PARD3: variants seen among roughly 807,000 people sequenced by gnomAD.
The protein encoded by PARD3 is par-3 family cell polarity regulator.
In PARD3, 75 loss-of-function variants were observed where a neutral mutation model predicts 155.4. That is an observed-to-expected ratio of 0.48 (90% CI 0.40 to 0.58). PARD3 has a LOEUF of 0.58. Among genes scored for constraint, PARD3 ranks in the 20% least tolerant of loss-of-function variants. The probability of loss-of-function intolerance (pLI) is 0.00; values close to 1 mark genes in which losing one functional copy is unlikely to be tolerated. For synonymous variants in PARD3, 576 were observed against 610.5 expected, an observed-to-expected ratio of 0.94 and a Z score of 0.83; for missense variants, 1,642 against 1,721.7, an observed-to-expected ratio of 0.95 and a Z score of 0.82.
rs77182844 is a variant in PARD3, at chr10:34,348,168, T to C, written c.2068-53A>G. On this transcript the variant is annotated intron_variant, in intron 14 of 24. Transcript: ENST00000374788. ...GAAAAATCAGTACCTGGAGGCCAAT[T>C]AGCAGCATGGGAGAATTATAACAAC... 8.7e-3 allele frequency: 12,926 copies of C among 1,487,002 alleles called. 908 individuals are homozygous for C. In the African/African-American group the frequency reaches 0.16, roughly 18 times the overall value. The allele number at this position is 1,487,002 out of a possible 1,614,324, so 92.1% of individuals were successfully genotyped here. A position where few individuals can be genotyped will look rare whatever the true frequency, so the allele number is the denominator to read the frequency against.
chr10:34,440,196 G>A (rs527268042), intron 5 of PARD3, among the ~76,000 whole-genome samples: 3 of 152,092 alleles, frequency 2.0e-5, no homozygotes, highest in Non-Finnish European at 4.4e-5. Flanking sequence ...TCTAAAAGCA[G>A]GCTTGTAGGA....
intron 5 of PARD3, among the ~76,000 whole-genome samples, chr10:34,445,059 G>A (rs1401773542): frequency 6.6e-6 from 1 of 151,868 alleles, no homozygotes; most frequent in East Asian, 1.9e-4. Context: ...AAAGGCAGAG[G>A]ATTTTTTTTT....
At chr10:34,378,695 C>T (rs1023864764) in intron 9 of PARD3, among the ~76,000 whole-genome samples, 8 of 152,150 alleles carry the variant, frequency 5.3e-5, no homozygotes, top group Admixed American at 3.9e-4. Context: ...TCACCTAAAT[C>T]TTACCATGTA....
intron 1 of PARD3, among the ~76,000 whole-genome samples, chr10:34,717,566 G>A (rs951184897): frequency 6.6e-6 from 1 of 152,140 alleles, no homozygotes; most frequent in Non-Finnish European, 1.5e-5. Flanking sequence ...GAGTCTGGTG[G>A]AGGTGCTGGA....
chr10:34,806,515 A>T (rs1477122114), intron 1 of PARD3, among the ~76,000 whole-genome samples: 1 of 151,818 alleles, frequency 6.6e-6, no homozygotes, highest in African/African-American at 2.4e-5. Context: ...TTTTAAAAAG[A>T]GACGGGGTCT....
chr10:34,389,144 G>A (rs1401937871), intron 7 of PARD3, among the ~76,000 whole-genome samples: 8 of 146,356 alleles, frequency 5.5e-5, no homozygotes, highest in Admixed American at 1.4e-4. Context: ...CACTAGATCC[G>A]CTGCATACAA....
At chr10:34,551,957 C>A (rs1466016571) in intron 2 of PARD3, among the ~76,000 whole-genome samples, 6 of 152,172 alleles carry the variant, frequency 3.9e-5, no homozygotes, top group Non-Finnish European at 8.8e-5. Flanking sequence ...TGTCTTGACC[C>A]TACACAAAAA....
At chr10:34,621,357 C>A (rs1363349947) in intron 2 of PARD3, among the ~76,000 whole-genome samples, 2 of 152,000 alleles carry the variant, frequency 1.3e-5, no homozygotes, top group African/African-American at 4.8e-5. Flanking sequence ...CCACCACGCC[C>A]GGCTAATTTT....
rs560266804 is a variant in PARD3 at position 34,666,360 on chromosome 10, T to C, written c.222+29958A>G. Among the ~76,000 whole-genome samples, 6 of 152,276 alleles carry C rather than the reference T, an allele frequency of 3.9e-5. No homozygotes were observed. The East Asian group carries it at 1.2e-3, about 29-fold the overall frequency. ...AGCCAGAAACTGATCCTGATTCCAA[T>C]TACTATTGAGTTTCTTCATGATACA... On this transcript the variant is annotated intron_variant, in intron 2 of 24. Coordinates refer to ENST00000374788, the MANE Select transcript of PARD3 (RefSeq NM_001184785.2).
At chr10:34,812,156 T>C (rs942777778) in intron 1 of PARD3, among the ~76,000 whole-genome samples, 4 of 152,244 alleles carry the variant, frequency 2.6e-5, no homozygotes, top group Admixed American at 2.0e-4. Context: ...ACAGCTCACA[T>C]GCAATGCCAG....
chr10:34,235,966 G>A (rs1034611939), intron 22 of PARD3, among the ~76,000 whole-genome samples: 3 of 152,068 alleles, frequency 2.0e-5, no homozygotes, highest in Admixed American at 6.6e-5. Context: ...CAGAGATACC[G>A]AGAAAACTCT....
At chr10:34,245,276 C>T (rs539524984) in intron 22 of PARD3, among the ~76,000 whole-genome samples, 237 of 152,174 alleles carry the variant, frequency 1.6e-3, no homozygotes, top group Non-Finnish European at 2.7e-3. Context: ...AGAAGGCATA[C>T]GTAACGGGGG....
chr10:34,627,539 C>T (rs1045534357), intron 2 of PARD3, among the ~76,000 whole-genome samples: 3 of 152,120 alleles, frequency 2.0e-5, no homozygotes, highest in East Asian at 1.9e-4. Flanking sequence ...GCAGACAAGA[C>T]GCAAAGGGAA....
chr10:34,163,432 C>T (rs898147286), intron 22 of PARD3, among the ~76,000 whole-genome samples: 1 of 152,088 alleles, frequency 6.6e-6, no homozygotes, highest in African/African-American at 2.4e-5. Context: ...ATAGCACAGG[C>T]AAAATGTTGT....
intron 21 of PARD3, among the ~76,000 whole-genome samples, chr10:34,276,501 A>G (rs1955887202): frequency 6.6e-6 from 1 of 152,176 alleles, no homozygotes; most frequent in Non-Finnish European, 1.5e-5. Flanking sequence ...AAAACACACA[A>G]GACTTCTGTT....
At chr10:34,769,473 T>A (rs1205258600) in intron 1 of PARD3, among the ~76,000 whole-genome samples, 2 of 142,674 alleles carry the variant, frequency 1.4e-5, no homozygotes, top group African/African-American at 6.0e-5. Flanking sequence ...ATTACTGTAA[T>A]TTTTTTTTTC....
At chr10:34,734,343 T>C (rs1190823852) in intron 1 of PARD3, among the ~76,000 whole-genome samples, 4 of 132,898 alleles carry the variant, frequency 3.0e-5, no homozygotes, top group Non-Finnish European at 6.4e-5. Context: ...TTTTTTTTTT[T>C]TTTTTTTTTT....
intron 20 of PARD3, among the ~76,000 whole-genome samples, chr10:34,294,297 G>A (rs1956805649): frequency 6.6e-6 from 1 of 152,174 alleles, no homozygotes; most frequent in Non-Finnish European, 1.5e-5. Flanking sequence ...GACAGGAAGT[G>A]ATACACATAC....
At chr10:34,299,825 T>TA (rs1283260113) in intron 20 of PARD3, among the ~76,000 whole-genome samples, 1 of 152,232 alleles carries the variant, frequency 6.6e-6, no homozygotes, top group Admixed American at 6.5e-5. Context: ...ATCTAACTAT[T>TA]ACCAAAATTA....
Sources: gnomAD v4.1 joint callset for allele counts (sites outside exome capture counted in the v4.1 genomes callset) on GRCh38, gnomAD v4.1.1 for gene constraint, MANE v1.5 for transcripts, NCBI Gene and HGNC (gene_info 2026-07-23, HGNC 2026-07-21) for gene names.